Variants in IQGAP2 observed in about 807,000 individuals in gnomAD.
The protein encoded by IQGAP2 is ras GTPase-activating-like protein IQGAP2.
Under a neutral mutation model 201.3 loss-of-function variants are expected in IQGAP2, and 173 were observed. That is an observed-to-expected ratio of 0.86 (90% CI 0.76 to 0.98). The LOEUF is 0.98. IQGAP2 is among the 50% of genes least tolerant of loss of function. The pLI, the probability that IQGAP2 is intolerant of heterozygous loss-of-function variation, is 0.00. For synonymous variants in IQGAP2, 675 were observed against 673.9 expected (o/e 1.00, Z -0.03); for missense variants, 1,687 against 1,864.8 (o/e 0.90, Z 1.76).
chr5:76,554,398 A>G (rs745310699), intron 2 of IQGAP2, among the ~76,000 whole-genome samples: 8 of 152,234 alleles, frequency 5.3e-5, no homozygotes, highest in Non-Finnish European at 1.2e-4. Context: ...AATGGAGGAA[A>G]CACTTTCAAA....
intron 2 of IQGAP2, among the ~76,000 whole-genome samples, chr5:76,522,284 C>A: frequency 6.6e-6 from 1 of 151,406 alleles, no homozygotes; most frequent in Admixed American, 6.6e-5. Context: ...CCAAGTTCAA[C>A]CAATTCTCCT....
Position 76,647,528 on chromosome 5 carries a change from T to C in IQGAP2, c.2095-5222T>C, listed in dbSNP as rs200676940. ...GTGGTAGTGAATAAGTCTCATGAGATGGTTTATAAGGGGTTTCCACTTTTG... is the reference window on the plus strand; with the variant it reads ...GTGGTAGTGAATAAGTCTCATGAGACGGTTTATAAGGGGTTTCCACTTTTG... On this transcript the variant is annotated intron_variant, in intron 17 of 35. Transcript: ENST00000274364. 1.4e-3 allele frequency among the ~76,000 whole-genome samples: 7 copies of C among 4,918 alleles called. No individual in the cohort carries two copies. The East Asian group carries it at 0.018, about 13-fold the overall frequency. 3.2% of individuals were successfully genotyped at this position (4,918 alleles called of 152,430 possible).
At chr5:76,442,317 A>G (rs1753092762) in intron 1 of IQGAP2, among the ~76,000 whole-genome samples, 1 of 152,220 alleles carries the variant, frequency 6.6e-6, no homozygotes, top group South Asian at 2.1e-4. Context: ...GCTTTACTTA[A>G]CTTCTAATAG....
Position 76,606,937 on chromosome 5 carries a change from T to C in IQGAP2, c.1357+634T>C, listed in dbSNP as rs545450385. On this transcript the variant is annotated intron_variant, in intron 12 of 35. Coordinates refer to ENST00000274364, the MANE Select transcript of IQGAP2 (RefSeq NM_006633.5). ...ATACATTCACTGCTTTTCTGTAGTA[T>C]GCATTACCAAATTCAAGCTTCGAGC... The C allele has an allele frequency of 9.8e-5, 15 of 152,366 alleles. No individual in the cohort carries two copies. In the East Asian group the frequency reaches 2.7e-3, roughly 27 times the overall value. The allele number at this position is 152,366 out of a possible 1,614,324, so 9.4% of individuals were successfully genotyped here.
At chr5:76,487,678 T>A (rs1018455905) in intron 2 of IQGAP2, among the ~76,000 whole-genome samples, 19 of 152,148 alleles carry the variant, frequency 1.2e-4, no homozygotes, top group Non-Finnish European at 5.9e-5. Flanking sequence ...TGCTTTTTTT[T>A]ATGCAGCGAG....
At chr5:76,610,074 CTCTATATATA>C (rs1181732112) in intron 12 of IQGAP2, among the ~76,000 whole-genome samples, 91 of 4,380 alleles carry the variant, frequency 0.021, no homozygotes, top group African/African-American at 0.045. Context: ...CTCTCTCTCT[CTCTATATATA>C]TATATATATA....
chr5:76,574,663 A>G (rs1202251653), intron 4 of IQGAP2, among the ~76,000 whole-genome samples: 1 of 152,256 alleles, frequency 6.6e-6, no homozygotes, highest in East Asian at 1.9e-4. Context: ...ACATTTACCT[A>G]TGTAACAAAC....
intron 2 of IQGAP2, 109 bp from the exon 3 acceptor site, chr5:76,562,287 G>T: frequency 1.3e-6 from 1 of 770,308 alleles, no homozygotes. Flanking sequence ...AGATGTTTCA[G>T]ATCCTTCTTC....
At chr5:76,565,026 A>G (rs1330866877) in intron 3 of IQGAP2, among the ~76,000 whole-genome samples, 1 of 152,178 alleles carries the variant, frequency 6.6e-6, no homozygotes, top group Non-Finnish European at 1.5e-5. Flanking sequence ...CTTGATGGAA[A>G]CTTTGAGTGA....
chr5:76,618,453 A>G (rs763849424), intron 13 of IQGAP2: 3 of 1,614,170 alleles, frequency 1.9e-6, no homozygotes, highest in African/African-American at 1.3e-5. Flanking sequence ...CAGGTACCCC[A>G]TGGTAGCATT....
intron 4 of IQGAP2, among the ~76,000 whole-genome samples, chr5:76,571,963 A>G (rs971909106): frequency 1.4e-4 from 21 of 152,172 alleles, no homozygotes; most frequent in Non-Finnish European, 2.6e-4. Context: ...GATCTGTGTA[A>G]CCACCACCAC....
At chr5:76,422,151 G>A (rs771537984) in intron 1 of IQGAP2, among the ~76,000 whole-genome samples, 228 of 152,340 alleles carry the variant, frequency 1.5e-3, no homozygotes, top group Admixed American at 3.3e-3. Flanking sequence ...ACTGTCTTGA[G>A]ATGAGACTGG....
At chr5:76,652,548 G>C (rs550183103) in intron 17 of IQGAP2, among the ~76,000 whole-genome samples, 64 of 152,232 alleles carry the variant, frequency 4.2e-4, no homozygotes, top group Non-Finnish European at 8.7e-4. Flanking sequence ...CCTAAGCTTA[G>C]AACTAGTCTC....
chr5:76,646,318 A>G (rs1400936714), intron 17 of IQGAP2, among the ~76,000 whole-genome samples: 1 of 152,212 alleles, frequency 6.6e-6, no homozygotes. Flanking sequence ...CCCATGGGGT[A>G]GCATTTTCTA....
At chr5:76,650,410 CTG>C (rs1456240012) in intron 17 of IQGAP2, among the ~76,000 whole-genome samples, 2 of 152,104 alleles carry the variant, frequency 1.3e-5, no homozygotes, top group Admixed American at 1.3e-4. Context: ...TCTTTGTTCA[CTG>C]TGTATTTTAA....
chr5:76,423,883 A>C (rs1428151210), intron 1 of IQGAP2, among the ~76,000 whole-genome samples: 1 of 152,196 alleles, frequency 6.6e-6, no homozygotes, highest in Non-Finnish European at 1.5e-5. Context: ...GCACATTCTG[A>C]ATAGGGAAAC....
chr5:76,650,409 A>G (rs1025472213), intron 17 of IQGAP2, among the ~76,000 whole-genome samples: 1 of 152,202 alleles, frequency 6.6e-6, no homozygotes, highest in Middle Eastern at 3.2e-3. Context: ...CTCTTTGTTC[A>G]CTGTGTATTT....
chr5:76,693,582 G>A, intron 31 of IQGAP2, 140 bp downstream of exon 31: 1 of 625,492 alleles, frequency 1.6e-6, no homozygotes, highest in South Asian at 2.0e-5. Flanking sequence ...TACTGCAGTG[G>A]ACTTAGTTCA....
chr5:76,624,541 T>C lies in IQGAP2; in HGVS notation c.1522-2869T>C, dbSNP rs370768741. 145 of 152,344 alleles carry C rather than the reference T, an allele frequency of 9.5e-4. 1 individual carries two copies. The highest frequency in any genetic ancestry group is 3.2e-3 in the African/African-American group (133 of 41,580). 9.4% of individuals were successfully genotyped at this position (152,344 alleles called of 1,614,324 possible). On this transcript the variant is annotated intron_variant, in intron 13 of 35. Transcript: ENST00000274364. Reference sequence around the variant, plus strand: ...TATGGTTATACAAACTGAGATAGAATGTTATTATATTGCAGAAATATAAAA... The same window carrying C: ...TATGGTTATACAAACTGAGATAGAACGTTATTATATTGCAGAAATATAAAA...
Sources: allele counts gnomAD v4.1 joint callset (sites outside exome capture counted in the v4.1 genomes callset), GRCh38; gene constraint gnomAD v4.1.1; transcripts MANE v1.5; gene names NCBI Gene and HGNC (gene_info 2026-07-23, HGNC 2026-07-21).